PHKG1: variants seen among roughly 807,000 people sequenced by gnomAD.
PHKG1 encodes phosphorylase kinase catalytic subunit gamma 1.
Under a neutral mutation model 50.5 loss-of-function variants are expected in PHKG1, and 48 were observed. The ratio of observed to expected loss-of-function variants is 0.95; its 90% CI spans 0.75 to 1.21. The LOEUF is 1.21. PHKG1 is among the 50% of genes most tolerant of loss of function. PHKG1 has a pLI of 0.00. For missense variants in PHKG1, 487 were observed against 519.5 expected (o/e 0.94, Z 0.61); for synonymous variants, 204 against 212.8 (o/e 0.96, Z 0.36).
chr7:56,088,739 G>A (rs553586276), intron 2 of PHKG1, 120 bp downstream of exon 2: 1 of 653,650 alleles, frequency 1.5e-6, no homozygotes, highest in South Asian at 1.9e-5. Context: ...GTTTCTCCAA[G>A]TGAACAGCAC....
intron 1 of PHKG1, among the ~76,000 whole-genome samples, chr7:56,090,488 T>C (rs975527903): frequency 2.0e-5 from 3 of 152,180 alleles, no homozygotes; most frequent in African/African-American, 7.2e-5. Flanking sequence ...ATCTCCATTC[T>C]GCAGACACTG....
At position 56,082,158 on chromosome 7, in the gene PHKG1, C is replaced by G. The variant is rs745827411; in HGVS notation, c.638+5G>C. The G allele has an allele frequency of 6.8e-6, 11 of 1,613,638 alleles. No homozygotes were observed. The South Asian group carries it at 9.9e-5, about 14-fold the overall frequency. Reference sequence around the variant, plus strand: ...TGGGTGCTCCTCCTTTCCCGGCGCACTCACATGTCCACCTCTTTCCCGTAG... The same window carrying G: ...TGGGTGCTCCTCCTTTCCCGGCGCAGTCACATGTCCACCTCTTTCCCGTAG... On this transcript the variant is annotated splice_donor_5th_base_variant and intron_variant, in intron 7 of 9. Transcript: ENST00000297373.
intron 2 of PHKG1, among the ~76,000 whole-genome samples, chr7:56,087,995 C>CT (rs34943237): frequency 0.37 from 35,983 of 96,812 alleles, 6,398 homozygotes; most frequent in Non-Finnish European, 0.41. Context: ...CCGTGTGACT[C>CT]TTTTTTTTTT....
chr7:56,088,412 C>T (rs1020239939), intron 2 of PHKG1: 6 of 152,452 alleles, frequency 3.9e-5, no homozygotes, highest in African/African-American at 1.5e-4. Flanking sequence ...GTTGTCCCAG[C>T]TACTAGGGAG....
In PHKG1 at chr7:56,080,693, A is replaced by G; in HGVS notation, c.*361T>C. On this transcript the variant is annotated 3_prime_UTR_variant, in exon 10 of 10. Coordinates refer to ENST00000297373, the MANE Select transcript of PHKG1 (RefSeq NM_006213.5). ...TCAGACATTTGTGTCTTTGATCCTC[A>G]CCCTGTGACCCTAAGGGAAGAAAGC... is the stretch of plus-strand genomic sequence containing the variant. The G allele has an allele frequency of 3.5e-6, 1 of 285,922 alleles. No homozygotes were observed. The allele number at this position is 285,922 out of a possible 1,614,324, so 17.7% of individuals were successfully genotyped here. A position where few individuals can be genotyped will look rare whatever the true frequency, so the allele number is the denominator to read the frequency against.
In PHKG1 at chr7:56,081,717, G is replaced by A. The variant is rs12538444; in HGVS notation, c.831C>T (p.Tyr277=). ...GGTGTGCCAAGGCCTCTTCCGCTGT[G>A]TAGCGGTTCTGGGGTTGCACCACCA... The part of the protein sequence containing the change: ...RFLVVQPQNR[Y]TAEEALAHPF... Residue 277 remains tyrosine (Y), a synonymous_variant, in exon 9 of 10, where the codon TAC becomes TAT. Coordinates refer to ENST00000297373, the MANE Select transcript of PHKG1 (RefSeq NM_006213.5). This position sits in a 1 kb window ranked among gnomAD's most constrained non-coding sequence, Gnocchi z 4.6. 0.21 allele frequency: 337,674 copies of A among 1,613,312 alleles called. 37,075 individuals carry two copies. The highest frequency in any genetic ancestry group is 0.26 in the Middle Eastern group (1,550 of 6,046).
In PHKG1 at chr7:56,081,912, G is replaced by A. The variant is rs148542905; in HGVS notation, c.773C>T (p.Ser258Leu). Residue 258 changes from serine to leucine, a missense_variant, in exon 8 of 10, where the codon TCG becomes TTG. Transcript: ENST00000297373. This position sits in a 1 kb window ranked among gnomAD's most constrained non-coding sequence, Gnocchi z 4.6. ...QFGSPEWDDY[S>L]DTVKDLVSRF... ...TCTCACCAGGTCCTTCACGGTGTCCGAGTAATCATCCCACTCGGGCGAGCC... is the reference window on the plus strand; with the variant it reads ...TCTCACCAGGTCCTTCACGGTGTCCAAGTAATCATCCCACTCGGGCGAGCC... The A allele has an allele frequency of 8.4e-5, 135 of 1,613,428 alleles. No individual in the cohort carries two copies. Among genetic ancestry groups the A allele is most frequent in the Non-Finnish European group, 1.1e-4 (128 of 1,179,966 alleles).
chr7:56,091,361 C>CA (rs1796488308), intron 1 of PHKG1, among the ~76,000 whole-genome samples: 1 of 151,616 alleles, frequency 6.6e-6, no homozygotes, highest in Non-Finnish European at 1.5e-5. Context: ...CTAAAAAATA[C>CA]AAAAAATTAG....
At chr7:56,083,248 T>C in intron 6 of PHKG1, 30 bp downstream of exon 6, 1 of 1,610,648 alleles carries the variant, frequency 6.2e-7, no homozygotes, top group South Asian at 1.1e-5. Context: ...ACCCGAGGCC[T>C]GGACGTGGGC....
chr7:56,087,637 C>G lies in PHKG1; in HGVS notation c.223G>C (p.Val75Leu). 1 of 1,614,010 alleles carries G rather than the reference C, an allele frequency of 6.2e-7. No individual in the cohort carries two copies. The highest frequency in any genetic ancestry group is 8.5e-7 in the Non-Finnish European group (1 of 1,180,012). The change falls in exon 3 of 10, where the codon GTG (valine) becomes CTG (leucine). Residue 75 changes from valine to leucine, a missense_variant. Transcript: ENST00000297373. ...CCTGAGACCTTGCGCAGGATGTCCA[C>G]CTCCTTCAGCGTGGCTTCTCGCAGC... Reference protein sequence around the residue: ...RELREATLKEVDILRKVSGHP... With the variant: ...RELREATLKELDILRKVSGHP...
In PHKG1 at chr7:56,085,707, G is replaced by C. The variant is rs565202798; in HGVS notation, c.317+1263C>G. Among the ~76,000 whole-genome samples the C allele has an allele frequency of 2.6e-5, 4 of 151,864 alleles. 1 individual carries two copies. In the South Asian group the frequency reaches 8.4e-4, roughly 32 times the overall value. The stretch of plus-strand genomic sequence containing the variant: ...AGCCTGGGCGCAGTGGCTCACGCCT[G>C]TAATCCCAGCACTTTGGGAGGCCGA... On this transcript the variant is annotated intron_variant, in intron 4 of 9. Transcript: ENST00000297373.
intron 4 of PHKG1, among the ~76,000 whole-genome samples, chr7:56,086,025 C>A (rs1584626832): frequency 6.6e-6 from 1 of 151,566 alleles, no homozygotes; most frequent in Non-Finnish European, 1.5e-5. Flanking sequence ...CAGTCTTGAC[C>A]CTCCAAACTC....
chr7:56,088,902 G>T lies in PHKG1; in HGVS notation c.40C>A (p.Gln14Lys). Residue 14 changes from glutamine to lysine, a missense_variant, in exon 2 of 10, where the codon CAG becomes AAG. By Grantham distance (53) the Gln-to-Lys change is moderately conservative. Transcript: ENST00000297373. ...GGCTCATAATTCTCATAGAAGTCCT[G>T]TGCAGAATGAGAGTCCGGCAGTGCC... is the stretch of plus-strand genomic sequence containing the variant. Reference protein sequence around the residue: ...DEALPDSHSAQDFYENYEPKE... With the variant: ...DEALPDSHSAKDFYENYEPKE... 6.2e-7 allele frequency: 1 copy of T among 1,613,844 alleles called. No homozygotes were observed. The highest frequency in any genetic ancestry group is 2.2e-5 in the East Asian group (1 of 44,876).
rs775905179 is a variant in PHKG1, at chr7:56,081,622, C to T, written c.918+8G>A. The T allele has an allele frequency of 6.2e-7, 1 of 1,613,402 alleles. No homozygotes were observed. The highest frequency in any genetic ancestry group is 8.5e-7 in the Non-Finnish European group (1 of 1,179,934). On this transcript the variant is annotated splice_region_variant and intron_variant, in intron 9 of 9. Coordinates refer to ENST00000297373, the MANE Select transcript of PHKG1 (RefSeq NM_006213.5). The surrounding 1 kb of genome is among the most constrained non-coding windows in gnomAD (Gnocchi z 4.6). Reference sequence around the variant, plus strand: ...GAGCTGGCGGGCCTGGATCAGGACGCTTAGTACCTTGAACTTCCCCCGGGG... The same window carrying T: ...GAGCTGGCGGGCCTGGATCAGGACGTTTAGTACCTTGAACTTCCCCCGGGG...
At chr7:56,092,445 G>C (rs542891233) in intron 1 of PHKG1, among the ~76,000 whole-genome samples, 1 of 152,222 alleles carries the variant, frequency 6.6e-6, no homozygotes, top group African/African-American at 2.4e-5. Context: ...GCTAATTTTT[G>C]TATTTTTAGT....
intron 4 of PHKG1, among the ~76,000 whole-genome samples, chr7:56,085,205 C>A (rs1373644690): frequency 6.6e-6 from 1 of 152,134 alleles, no homozygotes; most frequent in Non-Finnish European, 1.5e-5. Flanking sequence ...ATCTGATCCG[C>A]CTGCCTCAGC....
chr7:56,091,724 T>C (rs1796498994), intron 1 of PHKG1, among the ~76,000 whole-genome samples: 1 of 152,154 alleles, frequency 6.6e-6, no homozygotes, highest in Non-Finnish European at 1.5e-5. Context: ...CAACAGCAGC[T>C]CTGGCTGCCT....
At chr7:56,090,717 G>T (rs145799889) in intron 1 of PHKG1, among the ~76,000 whole-genome samples, 50 of 152,282 alleles carry the variant, frequency 3.3e-4, no homozygotes, top group African/African-American at 1.2e-3. Flanking sequence ...GGTTGGGCAG[G>T]TACCCCTTTG....
At chr7:56,088,042 T>TC (rs1483594906) in intron 2 of PHKG1, among the ~76,000 whole-genome samples, 1 of 146,598 alleles carries the variant, frequency 6.8e-6, no homozygotes, top group Non-Finnish European at 1.5e-5. Flanking sequence ...TGCTTTTTTT[T>TC]TTTTTTTTTT....
Sources: allele counts gnomAD v4.1 joint callset (sites outside exome capture counted in the v4.1 genomes callset), GRCh38; gene constraint gnomAD v4.1.1; non-coding constraint Gnocchi (gnomAD v3.1); transcripts MANE v1.5; gene names NCBI Gene and HGNC (gene_info 2026-07-23, HGNC 2026-07-21).